The following TATDN1 variants were observed in gnomAD, a reference collection of about 807,000 sequenced individuals.
TATDN1 encodes the protein deoxyribonuclease TATDN1.
A neutral mutation model predicts 46.4 loss-of-function variants in TATDN1; 40 were observed. The ratio of observed to expected loss-of-function variants is 0.86; its 90% CI spans 0.67 to 1.12. The LOEUF is 1.12. Ranked by LOEUF, TATDN1 falls within the 50% of genes most tolerant of loss-of-function variation. The pLI is 0.00. For missense variants in TATDN1, 326 were observed against 348.4 expected (o/e 0.94, Z 0.51); for synonymous variants, 95 against 105.6 (o/e 0.90, Z 0.62).
chr8:124,521,041 C>A (rs1392613859), intron 3 of TATDN1, among the ~76,000 whole-genome samples: 1 of 151,530 alleles, frequency 6.6e-6, no homozygotes, highest in East Asian at 1.9e-4. Flanking sequence ...AGGTATAATA[C>A]CAAATGCTTT....
intron 1 of TATDN1, among the ~76,000 whole-genome samples, chr8:124,528,426 G>A (rs921919634): frequency 6.6e-6 from 1 of 152,200 alleles, no homozygotes. Flanking sequence ...TCCCGCCTCG[G>A]CCTCCCAGAG....
chr8:124,524,146 G>A lies in TATDN1; in HGVS notation c.23-1144C>T, dbSNP rs142494750. ...TAATTTCTGCCAAGTTGGTCCCCAGGAGTGTCTGCTCCACCAATAAGACAC... is the reference window on the plus strand; with the variant it reads ...TAATTTCTGCCAAGTTGGTCCCCAGAAGTGTCTGCTCCACCAATAAGACAC... On this transcript the variant is annotated intron_variant, in intron 1 of 11. Coordinates refer to ENST00000276692, the MANE Select transcript of TATDN1 (RefSeq NM_032026.4). Among the ~76,000 whole-genome samples, 84 of 152,262 alleles carry A rather than the reference G, an allele frequency of 5.5e-4. No homozygotes were observed. The East Asian group carries it at 0.01, about 19-fold the overall frequency.
rs1286565154 is a variant in TATDN1 at position 124,494,031 on chromosome 8, T to C, written c.665-72A>G. 2.9e-6 allele frequency: 4 copies of C among 1,402,296 alleles called. No individual in the cohort carries two copies. The African/African-American group carries it at 5.8e-5, about 20-fold the overall frequency. 86.9% of individuals were successfully genotyped at this position (1,402,296 alleles called of 1,614,324 possible). Reference sequence around the variant, plus strand: ...AATTTTTTATGACCATTATCTAATATATAACCTCTAAATGATAAACCGTGA... The same window carrying C: ...AATTTTTTATGACCATTATCTAATACATAACCTCTAAATGATAAACCGTGA... On this transcript the variant is annotated intron_variant, in intron 10 of 11. Transcript: ENST00000276692.
In TATDN1 at chr8:124,515,881, A is replaced by T. The variant is rs760291612; in HGVS notation, c.346+6T>A. 1.2e-6 allele frequency: 2 copies of T among 1,613,988 alleles called. No homozygotes were observed. The highest frequency in any genetic ancestry group is 2.2e-5 in the South Asian group (2 of 91,028). On this transcript the variant is annotated splice_donor_region_variant and intron_variant, in intron 5 of 11. Coordinates refer to ENST00000276692, the MANE Select transcript of TATDN1 (RefSeq NM_032026.4). The stretch of plus-strand genomic sequence containing the variant: ...TGTCACTCTAAGAGGCGAGGCTGGC[A>T]CTCACCAAGTCCGCATTCTCCTATT...
At chr8:124,533,752 C>T (rs1453718102) in intron 1 of TATDN1, among the ~76,000 whole-genome samples, 4 of 151,866 alleles carry the variant, frequency 2.6e-5, no homozygotes, top group African/African-American at 7.3e-5. Context: ...TCTACTTGGT[C>T]GAGGGGGGTT....
rs1237472501 is a variant in TATDN1, at chr8:124,493,774, A to G, written c.791+59T>C. ...TAATTCTGTCCCTTGCGTTAATTTT[A>G]TAAGTGGCATCTGGTGGTTAACTAA... On this transcript the variant is annotated intron_variant, in intron 11 of 11. Coordinates refer to ENST00000276692, the MANE Select transcript of TATDN1 (RefSeq NM_032026.4). 8 of 1,533,786 alleles carry G rather than the reference A, an allele frequency of 5.2e-6. No homozygotes were observed. The East Asian group carries it at 7.0e-5, about 13-fold the overall frequency.
chr8:124,515,949 T>A lies in TATDN1; in HGVS notation c.284A>T (p.Glu95Val), dbSNP rs1347772886. 4.3e-6 allele frequency: 7 copies of A among 1,614,020 alleles called. No homozygotes were observed. Among genetic ancestry groups the A allele is most frequent in the Non-Finnish European group, 5.9e-6 (7 of 1,179,990 alleles). ...ATTGTTTTCAGCAAGATTTAGCAAC[T>A]CCTTTAAGTAAAGATCAGGGTTATT... ...EKNNPDLYLKELLNLAENNKG... is the reference protein window; with the variant it reads ...EKNNPDLYLKVLLNLAENNKG... The change falls in exon 5 of 12, where the codon GAG becomes GTG. Residue 95 changes from glutamate to valine, a missense_variant. Physicochemically the swap from Glu to Val is moderately radical, Grantham distance 121 (BLOSUM62 -2). Coordinates refer to ENST00000276692, the MANE Select transcript of TATDN1 (RefSeq NM_032026.4).
intron 6 of TATDN1, among the ~76,000 whole-genome samples, chr8:124,512,031 C>T (rs1262209609): frequency 6.6e-6 from 1 of 152,216 alleles, no homozygotes; most frequent in African/African-American, 2.4e-5. Context: ...ATTTTTCAGA[C>T]ACTACATCTA....
At chr8:124,532,080 A>AG (rs1243645718) in intron 1 of TATDN1, among the ~76,000 whole-genome samples, 2 of 149,742 alleles carry the variant, frequency 1.3e-5, no homozygotes, top group African/African-American at 2.4e-5. Flanking sequence ...AGGAAGAGCA[A>AG]GGGGGGGAGG....
At chr8:124,526,958 C>G (rs1440977979) in intron 1 of TATDN1, 1 of 152,200 alleles carries the variant, frequency 6.6e-6, no homozygotes, top group Admixed American at 6.5e-5. Context: ...ATTTAGCAAA[C>G]AGACAAAGCC....
intron 9 of TATDN1, among the ~76,000 whole-genome samples, chr8:124,503,624 C>T (rs1015891602): frequency 6.6e-6 from 1 of 152,090 alleles, no homozygotes; most frequent in Admixed American, 6.5e-5. Context: ...GACAGAAACT[C>T]CTATACTATT....
At chr8:124,524,220 A>G (rs1254285329) in intron 1 of TATDN1, among the ~76,000 whole-genome samples, 1 of 152,250 alleles carries the variant, frequency 6.6e-6, no homozygotes, top group Non-Finnish European at 1.5e-5. Flanking sequence ...CAGTGAAGAG[A>G]GTATTCCAGG....
chr8:124,510,981 T>A (rs1003183227), intron 6 of TATDN1, among the ~76,000 whole-genome samples: 8 of 152,262 alleles, frequency 5.3e-5, no homozygotes, highest in African/African-American at 1.9e-4. Flanking sequence ...AAATTGAGGA[T>A]AACTAGTACT....
At chr8:124,504,173 C>A in intron 9 of TATDN1, 98 bp downstream of exon 9, 1 of 928,528 alleles carries the variant, frequency 1.1e-6, no homozygotes, top group South Asian at 1.9e-5. Context: ...CACACACAAA[C>A]TTTAATGAAA....
intron 1 of TATDN1, among the ~76,000 whole-genome samples, chr8:124,525,363 T>A (rs1373151378): frequency 6.6e-6 from 1 of 152,022 alleles, no homozygotes; most frequent in Non-Finnish European, 1.5e-5. Flanking sequence ...GACAGGCTGG[T>A]CTCGAACTCC....
chr8:124,493,396 T>C (rs1817190572), intron 11 of TATDN1, among the ~76,000 whole-genome samples: 1 of 152,116 alleles, frequency 6.6e-6, no homozygotes, highest in Non-Finnish European at 1.5e-5. Flanking sequence ...TCACTTGTGC[T>C]ATATATATAT....
At chr8:124,510,785 C>T (rs79979916) in intron 6 of TATDN1, among the ~76,000 whole-genome samples, 2 of 150,178 alleles carry the variant, frequency 1.3e-5, no homozygotes, top group Admixed American at 1.3e-4. Context: ...GATCACACCA[C>T]TGCACTCCAG....
At chr8:124,496,763 C>T (rs1218423213) in intron 9 of TATDN1, among the ~76,000 whole-genome samples, 1 of 152,172 alleles carries the variant, frequency 6.6e-6, no homozygotes, top group Non-Finnish European at 1.5e-5. Flanking sequence ...TTAATTTCAG[C>T]ATTTGTTATT....
intron 1 of TATDN1, among the ~76,000 whole-genome samples, chr8:124,531,429 G>A (rs1820945707): frequency 6.6e-6 from 1 of 152,124 alleles, no homozygotes; most frequent in South Asian, 2.1e-4. Flanking sequence ...GGGGGTAATA[G>A]GCACAGTGAA....
Sources: allele counts gnomAD v4.1 joint callset (sites outside exome capture counted in the v4.1 genomes callset), GRCh38; gene constraint gnomAD v4.1.1; transcripts MANE v1.5; gene names NCBI Gene and HGNC (gene_info 2026-07-23, HGNC 2026-07-21).